The following PCDHGB1 variants were observed in gnomAD, a reference collection of about 807,000 sequenced individuals.
PCDHGB1 encodes protocadherin gamma-B1.
In PCDHGB1, 34 loss-of-function variants were observed where a neutral mutation model predicts 56.6. The ratio of observed to expected loss-of-function variants is 0.60; its 90% CI spans 0.46 to 0.80. PCDHGB1 has a LOEUF of 0.80. Among genes scored for constraint, PCDHGB1 ranks in the 30% least tolerant of loss-of-function variants. The pLI, the probability that PCDHGB1 is intolerant of heterozygous loss-of-function variation, is 0.00. For synonymous variants in PCDHGB1, 561 were observed against 505.9 expected (o/e 1.11, Z -1.46); for missense variants, 1,278 against 1,204.6 (o/e 1.06, Z -0.90).
chr5:141,390,418 A>T (rs2092141411), intron 1 of PCDHGB1: 1 of 1,099,772 alleles, frequency 9.1e-7, no homozygotes, highest in Admixed American at 2.6e-5. Context: ...TAGTCAGTTA[A>T]AAAGCTGTCA....
At chr5:141,444,626 A>G (rs542390437) in intron 1 of PCDHGB1, among the ~76,000 whole-genome samples, 74 of 152,288 alleles carry the variant, frequency 4.9e-4, no homozygotes, top group African/African-American at 1.7e-3. Flanking sequence ...GGCATGATGC[A>G]CCAGTTCATT....
chr5:141,383,961 C>CT, intron 1 of PCDHGB1: 1 of 1,613,356 alleles, frequency 6.2e-7, no homozygotes, highest in Non-Finnish European at 8.5e-7. Context: ...CTTTAAGTAG[C>CT]TCAATCCCTG....
chr5:141,455,314 T>G (rs565911988), intron 1 of PCDHGB1, among the ~76,000 whole-genome samples: 15 of 152,208 alleles, frequency 9.9e-5, no homozygotes, highest in African/African-American at 3.4e-4. Flanking sequence ...ATTAGCAATT[T>G]TGTGTGTGTG....
At chr5:141,500,877 A>ATT (rs369345007) in intron 2 of PCDHGB1, among the ~76,000 whole-genome samples, 3 of 122,284 alleles carry the variant, frequency 2.5e-5, no homozygotes, top group Admixed American at 2.4e-4. Flanking sequence ...TTCATTTACA[A>ATT]TTTTTTTTTT....
chr5:141,422,400 G>A (rs1207332302), intron 1 of PCDHGB1: 3 of 1,598,664 alleles, frequency 1.9e-6, no homozygotes, highest in South Asian at 2.3e-5. Context: ...CTAACCACCT[G>A]CCTTTTAAAT....
At chr5:141,371,674 A>G (rs1767933506) in intron 1 of PCDHGB1, 2 of 1,613,896 alleles carry the variant, frequency 1.2e-6, no homozygotes, top group African/African-American at 2.7e-5. Context: ...GCTACCGACA[A>G]AGGCAATCCA....
At chr5:141,437,393 G>T (rs1034237295) in intron 1 of PCDHGB1, among the ~76,000 whole-genome samples, 3 of 152,180 alleles carry the variant, frequency 2.0e-5, no homozygotes, top group Admixed American at 6.5e-5. Flanking sequence ...TTCATCCACT[G>T]CTTTCATTCC....
At chr5:141,414,421 A>G (rs1250470349) in intron 1 of PCDHGB1, 1 of 1,613,776 alleles carries the variant, frequency 6.2e-7, no homozygotes, top group African/African-American at 1.3e-5. Flanking sequence ...AGCCCTTGAC[A>G]GGGAACAGGT....
chr5:141,462,883 A>T (rs557432183), intron 1 of PCDHGB1, among the ~76,000 whole-genome samples: 9 of 152,230 alleles, frequency 5.9e-5, no homozygotes, highest in African/African-American at 2.2e-4. Context: ...GAACTATTGC[A>T]GTTTGTTTTG....
Position 141,409,742 on chromosome 5 carries a change from G to A in PCDHGB1, c.2409+57073G>A, listed in dbSNP as rs763304955. On this transcript the variant is annotated intron_variant, in intron 1 of 3. Coordinates refer to ENST00000523390, the MANE Select transcript of PCDHGB1 (RefSeq NM_018922.3). Reference sequence around the variant, plus strand: ...GTCAGTGAGCGCGCAGAGCGGGGTGGTGTTCGCGCAGCGCGCCTTTGATCA... The same window carrying A: ...GTCAGTGAGCGCGCAGAGCGGGGTGATGTTCGCGCAGCGCGCCTTTGATCA... 4.3e-6 allele frequency: 7 copies of A among 1,612,986 alleles called. No individual in the cohort carries two copies. In the South Asian group the frequency reaches 5.5e-5, roughly 13 times the overall value.
At chr5:141,456,421 A>C (rs1358944131) in intron 1 of PCDHGB1, among the ~76,000 whole-genome samples, 1 of 152,150 alleles carries the variant, frequency 6.6e-6, no homozygotes, top group Non-Finnish European at 1.5e-5. Context: ...GAAACAATTC[A>C]AGTTATAGTA....
intron 1 of PCDHGB1, chr5:141,412,940 T>G: frequency 2.2e-6 from 1 of 463,218 alleles, no homozygotes; most frequent in Non-Finnish European, 3.8e-6. Context: ...CTTAGGACTC[T>G]GAGCGCCGCT....
chr5:141,390,399 G>A (rs545358089), intron 1 of PCDHGB1: 2 of 1,359,380 alleles, frequency 1.5e-6, no homozygotes, highest in Non-Finnish European at 2.0e-6. Context: ...GATCATTTTA[G>A]GAAAGTTGTA....
intron 1 of PCDHGB1, chr5:141,360,675 C>T: frequency 5.0e-6 from 8 of 1,613,980 alleles, no homozygotes; most frequent in Non-Finnish European, 6.8e-6. Flanking sequence ...ACTTTGATCT[C>T]GCTGAGAAAC....
chr5:141,351,750 T>C lies in PCDHGB1; in HGVS notation c.1490T>C (p.Leu497Pro), dbSNP rs896637851. 1.2e-6 allele frequency: 2 copies of C among 1,613,678 alleles called. No homozygotes were observed. The highest frequency in any genetic ancestry group is 1.7e-6 in the Non-Finnish European group (2 of 1,179,904). Residue 497 changes from leucine (L) to proline (P), a missense_variant, in exon 1 of 4, where the codon CTG becomes CCG. By Grantham distance (98) the Leu-to-Pro change is moderately conservative. Transcript: ENST00000523390. Reference protein sequence around the residue: ...ILASDLEPRELLSYVSVSPQS... With the variant: ...ILASDLEPREPLSYVSVSPQS... ...GCCAGTGACCTGGAGCCGCGGGAGC[T>C]GTTGTCCTACGTGTCCGTGAGCCCG...
intron 1 of PCDHGB1, chr5:141,423,760 G>GGT: frequency 7.2e-6 from 2 of 279,662 alleles, no homozygotes; most frequent in Non-Finnish European, 1.1e-5. Context: ...TGGGGGGGGG[G>GGT]TGGGGCGGCA....
At chr5:141,456,044 C>T (rs1307913066) in intron 1 of PCDHGB1, among the ~76,000 whole-genome samples, 2 of 151,826 alleles carry the variant, frequency 1.3e-5, no homozygotes, top group African/African-American at 2.4e-5. Context: ...ACTACAGGCG[C>T]CCACCACCAC....
At chr5:141,370,349 G>C (rs371382232) in intron 1 of PCDHGB1, 27 of 1,496,692 alleles carry the variant, frequency 1.8e-5, no homozygotes, top group Non-Finnish European at 2.3e-5. Context: ...ATTATTTAAA[G>C]ATCTCCTCTC....
chr5:141,356,586 T>C (rs898846586), intron 1 of PCDHGB1: 1 of 1,614,058 alleles, frequency 6.2e-7, no homozygotes, highest in African/African-American at 1.3e-5. Context: ...CTTACATTCC[T>C]GAAAACAACC....
Sources: allele counts gnomAD v4.1 joint callset (sites outside exome capture counted in the v4.1 genomes callset), GRCh38; gene constraint gnomAD v4.1.1; transcripts MANE v1.5; gene names NCBI Gene and HGNC (gene_info 2026-07-23, HGNC 2026-07-21).